Variants in PHACTR4 observed in about 807,000 individuals in gnomAD.
PHACTR4 encodes the protein protein phosphatase 1, regulatory subunit 124.
A neutral mutation model predicts 72.7 loss-of-function variants in PHACTR4; 51 were observed. That is an observed-to-expected ratio of 0.70 (90% CI 0.56 to 0.89). PHACTR4 has a LOEUF of 0.89. Among genes scored for constraint, PHACTR4 ranks in the 40% least tolerant of loss-of-function variants. The pLI is 0.00. For missense variants in PHACTR4, 731 were observed against 861.8 expected, an observed-to-expected ratio of 0.85 and a Z score of 1.90; for synonymous variants, 255 against 302.5, an observed-to-expected ratio of 0.84 and a Z score of 1.63.
intron 9 of PHACTR4, among the ~76,000 whole-genome samples, chr1:28,486,526 G>GTTTGCTT (rs948535697): frequency 3.9e-5 from 6 of 151,994 alleles, no homozygotes; most frequent in Non-Finnish European, 7.4e-5. Flanking sequence ...ATTAAAGCTG[G>GTTTGCTT]TTTGTTTTTT....
chr1:28,369,806 A>C lies in PHACTR4; in HGVS notation c.-58A>C. 1 of 459,410 alleles carries C rather than the reference A, an allele frequency of 2.2e-6. No homozygotes were observed. Among genetic ancestry groups the C allele is most frequent in the Non-Finnish European group, 4.3e-6 (1 of 229,916 alleles). The allele number at this position is 459,410 out of a possible 1,614,324, so 28.5% of individuals were successfully genotyped here. A position where few individuals can be genotyped will look rare whatever the true frequency, so the allele number is the denominator to read the frequency against. On this transcript the variant is annotated 5_prime_UTR_variant, in exon 1 of 14. Coordinates refer to ENST00000373839, the MANE Select transcript of PHACTR4 (RefSeq NM_001048183.3). ...GGAGAGGCTGCTGTGGAGGCTGAGG[A>C]GGCGGCGGCGGAGATCTGGGTAAGT...
In PHACTR4 at chr1:28,459,105, A is replaced by G; in HGVS notation, c.37A>G (p.Thr13Ala). Residue 13 changes from threonine to alanine, a missense_variant, in exon 3 of 14, where the codon ACA becomes GCA. Physicochemically the swap from Thr to Ala is moderately conservative, Grantham distance 58. Around this residue, in one of 2 missense-constraint regions of PHACTR4, gnomAD observed 621 missense variants for 676.6 expected, o/e 0.92. Coordinates refer to ENST00000373839, the MANE Select transcript of PHACTR4 (RefSeq NM_001048183.3). Reference sequence around the variant, plus strand: ...AACAGAGGAAGCAGACCAGCCCACTACAGAGCCAGGCATGGTCCTGGACAG... The same window carrying G: ...AACAGAGGAAGCAGACCAGCCCACTGCAGAGCCAGGCATGGTCCTGGACAG... ...DPFEEADQPT[T>A]EPGMVLDSVE... The G allele has an allele frequency of 1.9e-6, 3 of 1,612,546 alleles. No homozygotes were observed. The highest frequency in any genetic ancestry group is 2.5e-6 in the Non-Finnish European group (3 of 1,179,318).
intron 1 of PHACTR4, among the ~76,000 whole-genome samples, chr1:28,403,896 A>T (rs750814808): frequency 1.3e-5 from 2 of 152,252 alleles, no homozygotes; most frequent in African/African-American, 4.8e-5. Context: ...ATGTTACAAC[A>T]CGTATCAATA....
At position 28,473,931 on chromosome 1, in the gene PHACTR4, C is replaced by A; in HGVS notation, c.1201C>A (p.Gln401Lys). 1.2e-6 allele frequency: 2 copies of A among 1,614,156 alleles called. No individual in the cohort carries two copies. The highest frequency in any genetic ancestry group is 1.7e-6 in the Non-Finnish European group (2 of 1,180,020). The part of the protein sequence containing the change: ...KKEVPKRILD[Q>K]NFGEPHIPSR... ...GGAAGTCCCCAAGAGGATACTGGAC[C>A]AGAACTTTGGGGAGCCCCATATACC... The change falls in exon 7 of 14, where the codon CAG becomes AAG. Residue 401 changes from glutamine (Q) to lysine (K), a missense_variant. By Grantham distance (53) the Gln-to-Lys change is moderately conservative. Around this residue, in one of 2 missense-constraint regions of PHACTR4, gnomAD observed 621 missense variants for 676.6 expected, o/e 0.92. Coordinates refer to ENST00000373839, the MANE Select transcript of PHACTR4 (RefSeq NM_001048183.3).
chr1:28,491,518 A>T, intron 11 of PHACTR4, 132 bp from the exon 12 acceptor site: 1 of 1,237,238 alleles, frequency 8.1e-7, no homozygotes, highest in Non-Finnish European at 1.2e-6. Flanking sequence ...TGGGACCTCC[A>T]GGGATCAATA....
In PHACTR4 at chr1:28,407,264, A is replaced by AAG. The variant is rs146400683; in HGVS notation, c.-38-146_-38-145insAG. On this transcript the variant is annotated intron_variant, in intron 1 of 13. Coordinates refer to ENST00000373839, the MANE Select transcript of PHACTR4 (RefSeq NM_001048183.3). ...ATCCTGTCTCAAAAAAAAAAAAAAA[A>AAG]CTATCATTTAATAAGTTGTACATTT... is the stretch of plus-strand genomic sequence containing the variant. 5.0e-3 allele frequency: 1,843 copies of AAG among 369,418 alleles called. 6 individuals are homozygous for AAG. Among genetic ancestry groups the AAG allele is most frequent in the Middle Eastern group, 0.011 (14 of 1,258 alleles). 22.9% of individuals were successfully genotyped at this position (369,418 alleles called of 1,614,324 possible).
chr1:28,447,322 C>A (rs975100368), intron 2 of PHACTR4, among the ~76,000 whole-genome samples: 2 of 151,706 alleles, frequency 1.3e-5, no homozygotes, highest in Non-Finnish European at 2.9e-5. Flanking sequence ...TCAGGTAATT[C>A]TTTATAGCAA....
At chr1:28,406,969 A>C (rs528315962) in intron 1 of PHACTR4, among the ~76,000 whole-genome samples, 11 of 152,278 alleles carry the variant, frequency 7.2e-5, no homozygotes, top group Admixed American at 7.2e-4. Context: ...TTTTTCTTAC[A>C]AAAAAACTTG....
intron 8 of PHACTR4, among the ~76,000 whole-genome samples, chr1:28,478,800 T>C (rs905405416): frequency 6.6e-6 from 1 of 151,876 alleles, no homozygotes; most frequent in Non-Finnish European, 1.5e-5. Context: ...GTTTTGTTTT[T>C]TAAGTAGAGA....
intron 2 of PHACTR4, among the ~76,000 whole-genome samples, chr1:28,431,139 A>G (rs1429288121): frequency 6.7e-6 from 1 of 148,936 alleles, no homozygotes; most frequent in African/African-American, 2.5e-5. Context: ...AGATCGCGCC[A>G]CTGCACTCCA....
chr1:28,462,744 C>T (rs769735083), intron 4 of PHACTR4, among the ~76,000 whole-genome samples: 7 of 152,166 alleles, frequency 4.6e-5, no homozygotes, highest in African/African-American at 7.2e-5. Flanking sequence ...AATTAATAAA[C>T]GAGTTGCAGC....
chr1:28,372,628 G>C (rs900216820), intron 1 of PHACTR4, among the ~76,000 whole-genome samples: 1 of 151,958 alleles, frequency 6.6e-6, no homozygotes, highest in Non-Finnish European at 1.5e-5. Context: ...GAGGCAGGCA[G>C]ATCACCTAAG....
chr1:28,485,037 A>G (rs1043499797), intron 9 of PHACTR4, among the ~76,000 whole-genome samples: 3 of 152,196 alleles, frequency 2.0e-5, no homozygotes, highest in Admixed American at 6.6e-5. Context: ...GAAATCCTCC[A>G]ATATGCTAAC....
intron 9 of PHACTR4, among the ~76,000 whole-genome samples, chr1:28,482,250 T>C (rs1660328417): frequency 6.6e-6 from 1 of 152,138 alleles, no homozygotes; most frequent in Non-Finnish European, 1.5e-5. Flanking sequence ...CAAAAGTTTC[T>C]ACATAAATCA....
chr1:28,493,067 A>C lies in PHACTR4; in HGVS notation c.2069A>C (p.His690Pro). 1 of 1,613,512 alleles carries C rather than the reference A, an allele frequency of 6.2e-7. No individual in the cohort carries two copies. The highest frequency in any genetic ancestry group is 8.5e-7 in the Non-Finnish European group (1 of 1,179,400). ...NEFKSSEMEVHEESKHFTRYH... is the reference protein window; with the variant it reads ...NEFKSSEMEVPEESKHFTRYH... ...TTTAAAAGCTCCGAGATGGAGGTTCATGAAGAGAGCAAACATTTTACACGG... is the reference window on the plus strand; with the variant it reads ...TTTAAAAGCTCCGAGATGGAGGTTCCTGAAGAGAGCAAACATTTTACACGG... The change falls in exon 13 of 14, where the codon CAT (histidine) becomes CCT (proline). Residue 690 changes from histidine to proline, a missense_variant. Around this residue, in one of 2 missense-constraint regions of PHACTR4, gnomAD observed 110 missense variants for 185.2 expected, o/e 0.59. Coordinates refer to ENST00000373839, the MANE Select transcript of PHACTR4 (RefSeq NM_001048183.3).
Position 28,493,099 on chromosome 1 carries a change from C to A in PHACTR4, c.2093+8C>A, listed in dbSNP as rs755772203. The stretch of plus-strand genomic sequence containing the variant: ...GAGCAAACATTTTACACGGTAAGAC[C>A]CAAAAGACCCAATCATATATGTGCT... On this transcript the variant is annotated splice_region_variant and intron_variant, in intron 13 of 13. Coordinates refer to ENST00000373839, the MANE Select transcript of PHACTR4 (RefSeq NM_001048183.3). The A allele has an allele frequency of 1.9e-6, 3 of 1,605,076 alleles. No homozygotes were observed. Among genetic ancestry groups the A allele is most frequent in the Non-Finnish European group, 2.6e-6 (3 of 1,172,014 alleles).
In PHACTR4 at chr1:28,465,788, G is replaced by A. The variant is rs772815740; in HGVS notation, c.375G>A (p.Glu125=). The change falls in exon 5 of 14, where the codon GAG becomes GAA. Residue 125 remains glutamate, a synonymous_variant. Coordinates refer to ENST00000373839, the MANE Select transcript of PHACTR4 (RefSeq NM_001048183.3). ...CTAGTCCAGTCCAAGTAGAGGAAGA[G>A]CCAGTAAGATTAGCAAGTCTTAGGA... The part of the protein sequence containing the change: ...RSSSPVQVEE[E]PVRLASLRKA... The A allele has an allele frequency of 3.1e-6, 5 of 1,614,074 alleles. No individual in the cohort carries two copies. The South Asian group carries it at 4.4e-5, about 14-fold the overall frequency.
At chr1:28,455,469 T>C (rs1426365041) in intron 2 of PHACTR4, among the ~76,000 whole-genome samples, 1 of 152,144 alleles carries the variant, frequency 6.6e-6, no homozygotes, top group Non-Finnish European at 1.5e-5. Flanking sequence ...AGTGCTGGGA[T>C]TACAGGCATG....
chr1:28,383,446 G>A (rs1056827014), intron 1 of PHACTR4, among the ~76,000 whole-genome samples: 4 of 151,974 alleles, frequency 2.6e-5, no homozygotes, highest in Non-Finnish European at 5.9e-5. Context: ...AGAGCAGTGC[G>A]GCCCTTTTAA....
Sources: gnomAD v4.1 joint callset for allele counts (sites outside exome capture counted in the v4.1 genomes callset) on GRCh38, gnomAD v4.1.1 for gene constraint, gnomAD v4.1.1 regional missense constraint, MANE v1.5 for transcripts, NCBI Gene and HGNC (gene_info 2026-07-23, HGNC 2026-07-21) for gene names.